Variants in TNRC6B observed in about 807,000 individuals in gnomAD.
TNRC6B encodes the protein trinucleotide repeat containing adaptor 6B, also known as trinucleotide repeat-containing gene 6B protein.
TNRC6B carries 52 observed loss-of-function variants against 203.6 expected under a neutral mutation model. The observed-to-expected ratio is 0.26, with a 90% CI of 0.20 to 0.32. The LOEUF is 0.32. TNRC6B is among the 10% of genes least tolerant of loss of function. TNRC6B has a pLI of 1.00. For missense variants in TNRC6B, 1,923 were observed against 2,286.2 expected (o/e 0.84, Z 3.24); for synonymous variants, 838 against 845.7 (o/e 0.99, Z 0.16).
intron 1 of TNRC6B, among the ~76,000 whole-genome samples, chr22:40,237,896 C>T (rs961069770): frequency 2.6e-5 from 4 of 151,906 alleles, no homozygotes; most frequent in Non-Finnish European, 5.9e-5. Flanking sequence ...TTCTGTCTCC[C>T]ATCTAGAATG....
intron 1 of TNRC6B, among the ~76,000 whole-genome samples, chr22:40,230,298 T>C (rs931231884): frequency 6.0e-5 from 9 of 149,460 alleles, no homozygotes; most frequent in African/African-American, 2.0e-4. Flanking sequence ...TTTTTTTTTT[T>C]TTTTTTTTAA....
At chr22:40,212,178 C>G (rs1569022997) in intron 1 of TNRC6B, among the ~76,000 whole-genome samples, 1 of 152,220 alleles carries the variant, frequency 6.6e-6, no homozygotes, top group Non-Finnish European at 1.5e-5. Flanking sequence ...CACTGCTTCA[C>G]AACTTAATGC....
At chr22:40,322,829 GCT>G in intron 22 of TNRC6B, 23 bp from the exon 23 acceptor site, 1 of 1,613,036 alleles carries the variant, frequency 6.2e-7, no homozygotes, top group Non-Finnish European at 8.5e-7. Flanking sequence ...GAGATCCATA[GCT>G]CTCTTTCCCT....
intron 7 of TNRC6B, among the ~76,000 whole-genome samples, chr22:40,274,420 C>G (rs1022298830): frequency 6.7e-6 from 1 of 148,632 alleles, no homozygotes; most frequent in Non-Finnish European, 1.5e-5. Context: ...TTAATGATAT[C>G]TCTTTTTTTT....
At chr22:40,243,102 C>T (rs188371387) in intron 1 of TNRC6B, among the ~76,000 whole-genome samples, 1 of 152,100 alleles carries the variant, frequency 6.6e-6, no homozygotes, top group East Asian at 1.9e-4. Flanking sequence ...ATCTCCTGCC[C>T]TCGCAATCCA....
intron 1 of TNRC6B, among the ~76,000 whole-genome samples, chr22:40,113,594 C>G (rs778715955): frequency 1.3e-5 from 2 of 152,206 alleles, no homozygotes; most frequent in African/African-American, 2.4e-5. Flanking sequence ...TGAGCTCAAT[C>G]AATCTGCCCA....
chr22:40,266,781 G>A lies in TNRC6B; in HGVS notation c.2551G>A (p.Val851Ile), dbSNP rs371566608. Reference protein sequence around the residue: ...GGPPPPPPGNVRPSNSSWSSG... With the variant: ...GGPPPPPPGNIRPSNSSWSSG... ...CCCACCCCCACCACCTCCAGGCAAC[G>A]TTCGACCTTCCAATTCCAGCTGGAG... Residue 851 changes from valine (V) to isoleucine (I), a missense_variant, in exon 5 of 23, where the codon GTT (valine) becomes ATT (isoleucine). By Grantham distance (29) the Val-to-Ile change is conservative. Around this residue, in one of 8 missense-constraint regions of TNRC6B, gnomAD observed 599 missense variants for 656.5 expected, o/e 0.91. Transcript: ENST00000454349. 1.1e-5 allele frequency: 17 copies of A among 1,613,416 alleles called. No individual in the cohort carries two copies. Among genetic ancestry groups the A allele is most frequent in the South Asian group, 2.2e-5 (2 of 91,016 alleles).
chr22:40,303,453 CATTAT>C (rs1024347369), intron 15 of TNRC6B, among the ~76,000 whole-genome samples: 16 of 152,120 alleles, frequency 1.1e-4, no homozygotes, highest in African/African-American at 3.9e-4. Flanking sequence ...TTTAGCTATG[CATTAT>C]ATTATTCCAT....
chr22:40,046,551 T>C (rs1440403259), intron 1 of TNRC6B, among the ~76,000 whole-genome samples: 1 of 152,016 alleles, frequency 6.6e-6, no homozygotes, highest in Non-Finnish European at 1.5e-5. Context: ...TGCTTTTCTG[T>C]GGTAACATAT....
chr22:40,312,604 C>G lies in TNRC6B; in HGVS notation c.4535C>G (p.Ser1512Cys), dbSNP rs143288497. The G allele has an allele frequency of 6.2e-6, 10 of 1,614,010 alleles. No homozygotes were observed. The highest frequency in any genetic ancestry group is 8.5e-6 in the Non-Finnish European group (10 of 1,179,982). The stretch of plus-strand genomic sequence containing the variant: ...AGTGTGCTGGGGGGTACAGCCACAT[C>G]TCCCATTGTAGATACTGACCACCAA... ...PGSVLGGTAT[S>C]PIVDTDHQLL... Residue 1512 changes from serine (S) to cysteine (C), a missense_variant, in exon 18 of 23, where the codon TCT becomes TGT. Physicochemically the swap from Ser to Cys is moderately radical, Grantham distance 112. This residue lies in a region of TNRC6B where 159 missense variants were observed against 181.0 expected (regional missense o/e 0.88). Coordinates refer to ENST00000454349, the MANE Select transcript of TNRC6B (RefSeq NM_001162501.2).
intron 1 of TNRC6B, among the ~76,000 whole-genome samples, chr22:40,094,309 A>T (rs1410058152): frequency 6.6e-6 from 1 of 152,188 alleles, no homozygotes; most frequent in African/African-American, 2.4e-5. Context: ...TAAGAAAGAA[A>T]GAATGCTGCC....
chr22:40,095,928 G>A (rs549832853), intron 1 of TNRC6B, among the ~76,000 whole-genome samples: 1 of 152,008 alleles, frequency 6.6e-6, no homozygotes, highest in African/African-American at 2.4e-5. Flanking sequence ...TGATAAAGTG[G>A]CTCATCCATG....
chr22:40,067,190 T>A (rs79503396), intron 1 of TNRC6B, among the ~76,000 whole-genome samples: 6,731 of 152,218 alleles, frequency 0.044, 479 homozygotes, highest in African/African-American at 0.15. Flanking sequence ...TATCACTCTG[T>A]CAAAAATATG....
chr22:40,223,386 G>T (rs2069742315), intron 1 of TNRC6B, among the ~76,000 whole-genome samples: 1 of 152,146 alleles, frequency 6.6e-6, no homozygotes, highest in South Asian at 2.1e-4. Context: ...TGATCCGCCT[G>T]CCTTGACCTC....
intron 4 of TNRC6B, among the ~76,000 whole-genome samples, chr22:40,172,805 G>C (rs2069014830): frequency 6.6e-6 from 1 of 152,166 alleles, no homozygotes; most frequent in Non-Finnish European, 1.5e-5. Flanking sequence ...GCTTGCTGTT[G>C]TCTTAGTGGC....
chr22:40,078,713 C>T (rs892050304), intron 1 of TNRC6B, among the ~76,000 whole-genome samples: 10 of 152,056 alleles, frequency 6.6e-5, no homozygotes, highest in African/African-American at 2.2e-4. Context: ...GTGCCTCAGC[C>T]TCCCAAATAG....
intron 12 of TNRC6B, among the ~76,000 whole-genome samples, chr22:40,296,526 G>A (rs1055728895): frequency 1.3e-5 from 2 of 151,696 alleles, no homozygotes; most frequent in African/African-American, 4.8e-5. Flanking sequence ...TAGAGACGGG[G>A]TTTCACCGTG....
At chr22:40,189,231 T>C (rs1283476238) in intron 1 of TNRC6B, among the ~76,000 whole-genome samples, 2 of 152,214 alleles carry the variant, frequency 1.3e-5, no homozygotes, top group Non-Finnish European at 2.9e-5. Flanking sequence ...TTGATATATT[T>C]ATATTGAGAA....
chr22:40,156,288 T>C (rs1423421759), intron 4 of TNRC6B: 1 of 1,122,668 alleles, frequency 8.9e-7, no homozygotes, highest in Non-Finnish European at 1.3e-6. Flanking sequence ...GTTGGAGACA[T>C]TGGGGAACTC....
Sources: gnomAD v4.1 joint callset for allele counts (sites outside exome capture counted in the v4.1 genomes callset) on GRCh38, gnomAD v4.1.1 for gene constraint, gnomAD v4.1.1 regional missense constraint, MANE v1.5 for transcripts, NCBI Gene and HGNC (gene_info 2026-07-23, HGNC 2026-07-21) for gene names.